The following COL8A1 variants were observed in gnomAD, a reference collection of about 807,000 sequenced individuals.
The protein encoded by COL8A1 is collagen type VIII alpha 1 chain.
A neutral mutation model predicts 42.7 loss-of-function variants in COL8A1; 21 were observed. The observed-to-expected ratio is 0.49, with a 90% CI of 0.35 to 0.71. The LOEUF (loss-of-function observed/expected upper bound fraction) is 0.71. COL8A1 is among the 30% of genes least tolerant of loss of function. The probability of loss-of-function intolerance (pLI) is 0.01; values close to 1 mark genes in which losing one functional copy is unlikely to be tolerated. For missense variants in COL8A1, 788 were observed against 962.4 expected (o/e 0.82, Z 2.40); for synonymous variants, 367 against 369.1 (o/e 0.99, Z 0.06).
At chr3:99,650,420 A>G (rs554705794) in intron 1 of COL8A1, among the ~76,000 whole-genome samples, 34 of 152,134 alleles carry the variant, frequency 2.2e-4, no homozygotes, top group African/African-American at 8.2e-4. Flanking sequence ...TATGGCTACT[A>G]AGGACTTTAT....
chr3:99,641,632 C>G (rs1937509483), intron 1 of COL8A1, among the ~76,000 whole-genome samples: 1 of 152,146 alleles, frequency 6.6e-6, no homozygotes, highest in Admixed American at 6.5e-5. Context: ...AAGTTAGAAA[C>G]AGCAATTTAC....
chr3:99,644,387 C>T (rs953520631), intron 1 of COL8A1, among the ~76,000 whole-genome samples: 8 of 152,190 alleles, frequency 5.3e-5, no homozygotes, highest in Admixed American at 1.3e-4. Flanking sequence ...GAAATGTTCT[C>T]TGCTAAAATA....
At chr3:99,671,311 A>G (rs930544316) in intron 1 of COL8A1, among the ~76,000 whole-genome samples, 11 of 152,012 alleles carry the variant, frequency 7.2e-5, no homozygotes. Flanking sequence ...AGGATGTTCT[A>G]AGGTAGAAAA....
chr3:99,757,991 AGG>A (rs775140295), intron 2 of COL8A1, among the ~76,000 whole-genome samples: 21 of 152,240 alleles, frequency 1.4e-4, no homozygotes, highest in Non-Finnish European at 2.5e-4. Context: ...ACATTCTTTT[AGG>A]TTGATACCAA....
chr3:99,715,115 A>G (rs1222687816), intron 1 of COL8A1, among the ~76,000 whole-genome samples: 3 of 152,072 alleles, frequency 2.0e-5, no homozygotes, highest in Non-Finnish European at 4.4e-5. Context: ...TTTGTGTGTC[A>G]TTCTAAAACC....
intron 1 of COL8A1, chr3:99,678,240 A>G (rs1026947107): frequency 2.0e-5 from 3 of 151,966 alleles, no homozygotes; most frequent in African/African-American, 7.3e-5. Context: ...AGGCCATACA[A>G]TTCCCAAAAC....
chr3:99,687,593 A>G (rs1432452424), intron 1 of COL8A1, among the ~76,000 whole-genome samples: 1 of 152,186 alleles, frequency 6.6e-6, no homozygotes, highest in Non-Finnish European at 1.5e-5. Context: ...CTGGCAGTAG[A>G]AGACTCTGCT....
rs184169409 is a variant in COL8A1 at position 99,758,238 on chromosome 3, A to T, written c.-4+13217A>T. On this transcript the variant is annotated intron_variant, in intron 2 of 3. Transcript: ENST00000652472. ...GAACTTTTGGCAAACATTAGTTAGCACATTCTTACTAAAAGGTAAAAACCT... is the reference window on the plus strand; with the variant it reads ...GAACTTTTGGCAAACATTAGTTAGCTCATTCTTACTAAAAGGTAAAAACCT... Among the ~76,000 whole-genome samples, 675 of 152,300 alleles carry T rather than the reference A, an allele frequency of 4.4e-3. 5 individuals are homozygous for T. The highest frequency in any genetic ancestry group is 0.015 in the African/African-American group (635 of 41,570).
At chr3:99,778,717 C>T (rs1576473630) in intron 2 of COL8A1, among the ~76,000 whole-genome samples, 1 of 152,102 alleles carries the variant, frequency 6.6e-6, no homozygotes, top group Non-Finnish European at 1.5e-5. Flanking sequence ...CACACAAAAT[C>T]AGGAGAGTAA....
At chr3:99,700,257 G>A (rs529276530) in intron 1 of COL8A1, among the ~76,000 whole-genome samples, 1 of 151,890 alleles carries the variant, frequency 6.6e-6, no homozygotes, top group African/African-American at 2.4e-5. Context: ...TAACAAACCT[G>A]CACGTTCTGC....
chr3:99,739,334 G>A (rs955111223), intron 1 of COL8A1, among the ~76,000 whole-genome samples: 5 of 152,130 alleles, frequency 3.3e-5, no homozygotes, highest in Non-Finnish European at 5.9e-5. Flanking sequence ...CTACCATTGC[G>A]GGGTCTGGAG....
At chr3:99,648,941 A>G (rs374540969) in intron 1 of COL8A1, among the ~76,000 whole-genome samples, 1 of 152,154 alleles carries the variant, frequency 6.6e-6, no homozygotes, top group South Asian at 2.1e-4. Context: ...ATAGAAATAA[A>G]TATACCTCAA....
At chr3:99,741,422 T>C (rs182360032) in intron 1 of COL8A1, among the ~76,000 whole-genome samples, 2 of 152,344 alleles carry the variant, frequency 1.3e-5, no homozygotes, top group East Asian at 3.9e-4. Context: ...CAAGAGGGTA[T>C]GCTCCAGCTA....
intron 1 of COL8A1, among the ~76,000 whole-genome samples, chr3:99,741,166 C>T (rs1393996120): frequency 6.6e-6 from 1 of 152,100 alleles, no homozygotes; most frequent in Non-Finnish European, 1.5e-5. Flanking sequence ...GATTAATTTG[C>T]ATTTCCTTTC....
chr3:99,729,628 T>C (rs1445530601), intron 1 of COL8A1, among the ~76,000 whole-genome samples: 2 of 152,042 alleles, frequency 1.3e-5, no homozygotes, highest in African/African-American at 2.4e-5. Context: ...TCAGAATTGA[T>C]CCTATTTCTT....
intron 1 of COL8A1, among the ~76,000 whole-genome samples, chr3:99,741,761 G>C (rs956408697): frequency 2.6e-5 from 4 of 152,146 alleles, no homozygotes; most frequent in African/African-American, 9.7e-5. Flanking sequence ...CAGCAAAAAA[G>C]GTCAGCCTCA....
chr3:99,672,624 C>T (rs1322471117), intron 1 of COL8A1, among the ~76,000 whole-genome samples: 2 of 151,786 alleles, frequency 1.3e-5, no homozygotes, highest in African/African-American at 4.8e-5. Flanking sequence ...TATCATTGAT[C>T]ATTCTTACAC....
chr3:99,740,462 T>C (rs770958274), intron 1 of COL8A1, among the ~76,000 whole-genome samples: 2 of 152,152 alleles, frequency 1.3e-5, no homozygotes, highest in Admixed American at 6.5e-5. Context: ...CTTACCATCA[T>C]GGCGGAATGG....
intron 3 of COL8A1, among the ~76,000 whole-genome samples, chr3:99,791,226 T>A (rs1057034388): frequency 2.0e-5 from 3 of 152,254 alleles, no homozygotes; most frequent in African/African-American, 7.2e-5. Flanking sequence ...TTATTTTAAC[T>A]AGCATCAGAT....
Sources: gnomAD v4.1 joint callset for allele counts (sites outside exome capture counted in the v4.1 genomes callset) on GRCh38, gnomAD v4.1.1 for gene constraint, MANE v1.5 for transcripts, NCBI Gene and HGNC (gene_info 2026-07-23, HGNC 2026-07-21) for gene names.